The following ADCY2 variants were observed in gnomAD, a reference collection of about 807,000 sequenced individuals.
ADCY2 encodes adenylate cyclase 2.
A neutral mutation model predicts 125.2 loss-of-function variants in ADCY2; 31 were observed. The ratio of observed to expected loss-of-function variants is 0.25; its 90% CI spans 0.19 to 0.33. The LOEUF is 0.33. Among genes scored for constraint, ADCY2 ranks in the 10% least tolerant of loss-of-function variants. The probability of loss-of-function intolerance (pLI) is 1.00; values close to 1 mark genes in which losing one functional copy is unlikely to be tolerated. For synonymous variants in ADCY2, 512 were observed against 548.4 expected, an observed-to-expected ratio of 0.93 and a Z score of 0.93; for missense variants, 904 against 1,418.2, an observed-to-expected ratio of 0.64 and a Z score of 5.82.
chr5:7,588,277 C>T (rs1369024921), intron 3 of ADCY2, among the ~76,000 whole-genome samples: 3 of 151,888 alleles, frequency 2.0e-5, no homozygotes, highest in Non-Finnish European at 4.4e-5. Context: ...TCCTGAAACA[C>T]ATAAAAAAAT....
chr5:7,662,632 G>A (rs1739571311), intron 4 of ADCY2, among the ~76,000 whole-genome samples: 1 of 152,192 alleles, frequency 6.6e-6, no homozygotes, highest in African/African-American at 2.4e-5. Flanking sequence ...TTTGCATTAG[G>A]TCTAGAAAAG....
At chr5:7,779,549 G>C (rs1278881439) in intron 18 of ADCY2, among the ~76,000 whole-genome samples, 1 of 130,248 alleles carries the variant, frequency 7.7e-6, no homozygotes, top group Admixed American at 8.6e-5. Context: ...TGTCTCCACA[G>C]CAAAGGGCCA....
chr5:7,627,869 C>T (rs1259195067), intron 4 of ADCY2, among the ~76,000 whole-genome samples: 3 of 152,128 alleles, frequency 2.0e-5, no homozygotes, highest in Admixed American at 2.0e-4. Context: ...TAAACACTGC[C>T]TTTGCATTGG....
At chr5:7,801,657 C>T (rs758577814) in intron 20 of ADCY2, 5 of 152,234 alleles carry the variant, frequency 3.3e-5, no homozygotes, top group Non-Finnish European at 7.3e-5. Flanking sequence ...TGAGCTTCTT[C>T]CTATTTAAAA....
At chr5:7,561,552 T>C (rs1462122466) in intron 3 of ADCY2, among the ~76,000 whole-genome samples, 3 of 136,794 alleles carry the variant, frequency 2.2e-5, no homozygotes, top group Non-Finnish European at 4.4e-5. Flanking sequence ...TGCATGGCCG[T>C]ATAAAATGTG....
chr5:7,752,518 C>T (rs1742859178), intron 15 of ADCY2, among the ~76,000 whole-genome samples: 1 of 151,524 alleles, frequency 6.6e-6, no homozygotes, highest in Non-Finnish European at 1.5e-5. Flanking sequence ...ATATGAGCTT[C>T]TACTTCTCTT....
intron 16 of ADCY2, among the ~76,000 whole-genome samples, chr5:7,763,505 C>G (rs1743298034): frequency 6.6e-6 from 1 of 152,180 alleles, no homozygotes; most frequent in African/African-American, 2.4e-5. Context: ...GCGACCATCA[C>G]TACCATCTAT....
chr5:7,816,579 A>G (rs1275299544), intron 22 of ADCY2, among the ~76,000 whole-genome samples: 1 of 152,238 alleles, frequency 6.6e-6, no homozygotes, highest in Non-Finnish European at 1.5e-5. Flanking sequence ...TGATTTCTGG[A>G]CTAATACGAT....
Position 7,589,080 on chromosome 5 carries a change from G to C in ADCY2, c.571-37087G>C, listed in dbSNP as rs1280483851. The stretch of plus-strand genomic sequence containing the variant: ...TTAAATTTAAGAGTGAAATGCAGCA[G>C]GTAAAACTAACTGATTTGCAAGGCA... On this transcript the variant is annotated intron_variant, in intron 3 of 24. Transcript: ENST00000338316. 2.0e-5 allele frequency among the ~76,000 whole-genome samples: 3 copies of C among 152,060 alleles called. No homozygotes were observed. In the South Asian group the frequency reaches 6.2e-4, roughly 31 times the overall value.
intron 10 of ADCY2, among the ~76,000 whole-genome samples, chr5:7,711,821 TTAG>T (rs1741449616): frequency 6.6e-6 from 1 of 152,214 alleles, no homozygotes; most frequent in Admixed American, 6.5e-5. Flanking sequence ...TTGGATTGCC[TTAG>T]TAGCAGTATA....
chr5:7,821,130 A>G (rs945217010), intron 24 of ADCY2, among the ~76,000 whole-genome samples: 2 of 152,176 alleles, frequency 1.3e-5, no homozygotes, highest in Non-Finnish European at 2.9e-5. Flanking sequence ...GAGGTGGGAG[A>G]TGAAACAGAA....
At chr5:7,616,869 C>A (rs1464977935) in intron 3 of ADCY2, among the ~76,000 whole-genome samples, 20 of 152,058 alleles carry the variant, frequency 1.3e-4, no homozygotes, top group Non-Finnish European at 1.5e-5. Flanking sequence ...GGCCCTAATG[C>A]AATCTGACTG....
At chr5:7,608,519 T>C (rs1482109218) in intron 3 of ADCY2, among the ~76,000 whole-genome samples, 1 of 152,092 alleles carries the variant, frequency 6.6e-6, no homozygotes, top group Non-Finnish European at 1.5e-5. Context: ...GAGGTTGCAG[T>C]GAGCTGAGAT....
chr5:7,625,477 G>C (rs2126657364), intron 3 of ADCY2, among the ~76,000 whole-genome samples: 1 of 152,240 alleles, frequency 6.6e-6, no homozygotes, highest in Non-Finnish European at 1.5e-5. Flanking sequence ...GACAATTATA[G>C]ATTATTTTTA....
intron 4 of ADCY2, among the ~76,000 whole-genome samples, chr5:7,666,738 TACG>T (rs1739771567): frequency 6.6e-6 from 1 of 152,228 alleles, no homozygotes; most frequent in Non-Finnish European, 1.5e-5. Context: ...TGGCGGTGCC[TACG>T]GCTCTGTGCT....
At chr5:7,421,888 C>T (rs549627168) in intron 2 of ADCY2, among the ~76,000 whole-genome samples, 4 of 152,202 alleles carry the variant, frequency 2.6e-5, no homozygotes, top group Non-Finnish European at 5.9e-5. Flanking sequence ...GAATTAGAGA[C>T]GTTCTTGTGT....
Position 7,479,075 on chromosome 5 carries a change from T to C in ADCY2, c.409-41663T>C, listed in dbSNP as rs554844681. ...CTTGGCAAGAACCATAGATTTGCGATGTATTATTGGTGATATCCTTGGAAT... is the reference window on the plus strand; with the variant it reads ...CTTGGCAAGAACCATAGATTTGCGACGTATTATTGGTGATATCCTTGGAAT... On this transcript the variant is annotated intron_variant, in intron 2 of 24. Coordinates refer to ENST00000338316, the MANE Select transcript of ADCY2 (RefSeq NM_020546.3). Among the ~76,000 whole-genome samples the C allele has an allele frequency of 7.2e-4, 110 of 152,272 alleles. 1 individual carries two copies. Among genetic ancestry groups the C allele is most frequent in the African/African-American group, 2.6e-3 (109 of 41,560 alleles).
intron 3 of ADCY2, among the ~76,000 whole-genome samples, chr5:7,555,819 C>T (rs1430069622): frequency 1.3e-5 from 2 of 151,100 alleles, no homozygotes; most frequent in Admixed American, 6.6e-5. Flanking sequence ...TCAGGAAAAT[C>T]AGTGATCTCC....
chr5:7,600,379 A>C (rs1445076137), intron 3 of ADCY2, among the ~76,000 whole-genome samples: 1 of 152,212 alleles, frequency 6.6e-6, no homozygotes, highest in African/African-American at 2.4e-5. Flanking sequence ...TGGTATGGAC[A>C]TGGCTACAAA....
Sources: allele counts gnomAD v4.1 joint callset (sites outside exome capture counted in the v4.1 genomes callset), GRCh38; gene constraint gnomAD v4.1.1; transcripts MANE v1.5; gene names NCBI Gene and HGNC (gene_info 2026-07-23, HGNC 2026-07-21).